IFT88: variants seen among roughly 807,000 people sequenced by gnomAD.
IFT88 encodes intraflagellar transport protein 88 homolog.
IFT88 carries 74 observed loss-of-function variants against 119.5 expected under a neutral mutation model. That is an observed-to-expected ratio of 0.62 (90% CI 0.51 to 0.75). IFT88 has a LOEUF of 0.75. Among genes scored for constraint, IFT88 ranks in the 30% least tolerant of loss-of-function variants. IFT88 has a pLI of 0.00. For missense variants in IFT88, 961 were observed against 977.7 expected, an observed-to-expected ratio of 0.98 and a Z score of 0.23; for synonymous variants, 279 against 316.7, an observed-to-expected ratio of 0.88 and a Z score of 1.26.
intron 2 of IFT88, among the ~76,000 whole-genome samples, chr13:20,576,912 T>C (rs2037492615): frequency 1.3e-5 from 2 of 152,186 alleles, no homozygotes; most frequent in Admixed American, 1.3e-4. Context: ...ATGACATTGG[T>C]ATTTTGATAG....
At chr13:20,683,884 A>G (rs1178661484) in intron 24 of IFT88, among the ~76,000 whole-genome samples, 1 of 152,148 alleles carries the variant, frequency 6.6e-6, no homozygotes, top group African/African-American at 2.4e-5. Flanking sequence ...AGAAGTAGAT[A>G]TAACAATTTG....
intron 13 of IFT88, among the ~76,000 whole-genome samples, chr13:20,606,298 A>C (rs1359901326): frequency 6.6e-6 from 1 of 152,150 alleles, no homozygotes; most frequent in Non-Finnish European, 1.5e-5. Flanking sequence ...GTGGAGCGTC[A>C]GGGCTTTAAC....
At chr13:20,638,241 C>T in intron 16 of IFT88, 91 bp from the exon 17 acceptor site, 3 of 675,520 alleles carry the variant, frequency 4.4e-6, no homozygotes, top group Non-Finnish European at 6.7e-6. Flanking sequence ...TTTATAATCT[C>T]AGAAAGTCTA....
chr13:20,674,682 T>G (rs1409151560), intron 24 of IFT88, among the ~76,000 whole-genome samples: 3 of 146,370 alleles, frequency 2.0e-5, no homozygotes, highest in Non-Finnish European at 3.0e-5. Context: ...AAACATATTT[T>G]ATTTAAAAAA....
At chr13:20,687,336 A>T (rs918487136) in intron 24 of IFT88, among the ~76,000 whole-genome samples, 2 of 152,142 alleles carry the variant, frequency 1.3e-5, no homozygotes, top group Non-Finnish European at 2.9e-5. Flanking sequence ...TTGTGGGGCG[A>T]GCCAAACTGC....
intron 14 of IFT88, among the ~76,000 whole-genome samples, chr13:20,624,212 G>C (rs2046967095): frequency 1.3e-5 from 2 of 152,018 alleles, no homozygotes; most frequent in African/African-American, 4.8e-5. Context: ...TTAATGTTTT[G>C]TTCAGACCTC....
chr13:20,596,097 T>C (rs1162873548), intron 7 of IFT88, 53 bp from the exon 8 acceptor site: 3 of 540,338 alleles, frequency 5.6e-6, no homozygotes, highest in Non-Finnish European at 9.3e-6. Context: ...AATTTTAGTA[T>C]AGATTTTTAG....
intron 24 of IFT88, among the ~76,000 whole-genome samples, chr13:20,671,733 G>T (rs2055895273): frequency 6.6e-6 from 1 of 152,164 alleles, no homozygotes; most frequent in Non-Finnish European, 1.5e-5. Context: ...TGATTTTAAA[G>T]AAGCTAATTT....
At chr13:20,631,147 A>T (rs1295645331) in intron 16 of IFT88, 45 bp downstream of exon 16, 2 of 1,209,900 alleles carry the variant, frequency 1.7e-6, no homozygotes, top group Non-Finnish European at 2.5e-6. Flanking sequence ...CTATTTTTAT[A>T]TTGCTAAATT....
intron 13 of IFT88, among the ~76,000 whole-genome samples, chr13:20,614,818 T>TTTTTTTC: frequency 1.9e-5 from 1 of 51,364 alleles, no homozygotes; most frequent in African/African-American, 4.2e-5. Context: ...ATTTCTTTTC[T>TTTTTTTC]TTTTTTTTTT....
chr13:20,688,058 G>A (rs529481182), intron 24 of IFT88, among the ~76,000 whole-genome samples: 3 of 152,312 alleles, frequency 2.0e-5, no homozygotes, highest in South Asian at 2.1e-4. Flanking sequence ...CACTCTGGCC[G>A]GGCACGGTGG....
At chr13:20,683,415 C>T (rs1281739061) in intron 24 of IFT88, among the ~76,000 whole-genome samples, 3 of 152,138 alleles carry the variant, frequency 2.0e-5, no homozygotes, top group African/African-American at 7.2e-5. Context: ...TATATAGTTG[C>T]TCAGGAATTA....
rs148504410 is a variant in IFT88, at chr13:20,598,434, A to C, written c.595-217A>C. Among the ~76,000 whole-genome samples the C allele has an allele frequency of 3.5e-3, 533 of 152,342 alleles. 5 individuals are homozygous for C. Among genetic ancestry groups the C allele is most frequent in the African/African-American group, 0.012 (508 of 41,592 alleles). ...AATACTACTAAATTAAATAGAATAC[A>C]TAGAAAATTAAGGTGAAATTTAGAG... is the stretch of plus-strand genomic sequence containing the variant. On this transcript the variant is annotated intron_variant, in intron 9 of 25. Coordinates refer to ENST00000351808, the MANE Select transcript of IFT88 (RefSeq NM_006531.5).
chr13:20,603,911 A>G (rs1279117735), intron 12 of IFT88, among the ~76,000 whole-genome samples: 1 of 150,418 alleles, frequency 6.6e-6, no homozygotes, highest in Non-Finnish European at 1.5e-5. Flanking sequence ...AAAATAAAAA[A>G]TTAGCCAGCC....
chr13:20,638,960 A>G (rs945417545), intron 17 of IFT88, among the ~76,000 whole-genome samples: 4 of 152,166 alleles, frequency 2.6e-5, no homozygotes, highest in Non-Finnish European at 5.9e-5. Flanking sequence ...ACATTTTCAC[A>G]TTTTGCCATC....
In IFT88 at chr13:20,690,823, C is replaced by T; in HGVS notation, c.2353+8C>T. 2 of 1,582,668 alleles carry T rather than the reference C, an allele frequency of 1.3e-6. No homozygotes were observed. The highest frequency in any genetic ancestry group is 2.7e-5 in the African/African-American group (2 of 74,450). On this transcript the variant is annotated splice_region_variant and intron_variant, in intron 25 of 25. Transcript: ENST00000351808. ...GCAGTAACAAAGAAATAGGCAAGTACTCTCCACCCAGTTCCTCCAGGCATA... is the reference window on the plus strand; with the variant it reads ...GCAGTAACAAAGAAATAGGCAAGTATTCTCCACCCAGTTCCTCCAGGCATA...
At position 20,638,440 on chromosome 13, in the gene IFT88, G is replaced by T; in HGVS notation, c.1495G>T (p.Asp499Tyr). ...NKGNTVFANGDYEKAAEFYKE... is the reference protein window; with the variant it reads ...NKGNTVFANGYYEKAAEFYKE... ...AGGGAATACAGTTTTTGCAAATGGT[G>T]ATTATGAGAAGGCCGCTGAATTCTA... The change falls in exon 17 of 26, where the codon GAT becomes TAT. Residue 499 changes from aspartate (D) to tyrosine (Y), a missense_variant. Transcript: ENST00000351808. The T allele has an allele frequency of 1.3e-6, 2 of 1,530,874 alleles. No homozygotes were observed. Among genetic ancestry groups the T allele is most frequent in the Non-Finnish European group, 1.7e-6 (2 of 1,144,728 alleles). The allele number at this position is 1,530,874 out of a possible 1,614,324, so 94.8% of individuals were successfully genotyped here.
intron 24 of IFT88, among the ~76,000 whole-genome samples, chr13:20,686,866 C>T (rs1426771335): frequency 1.3e-5 from 2 of 151,520 alleles, no homozygotes; most frequent in East Asian, 1.9e-4. Flanking sequence ...TGTAGTTAGC[C>T]CCTTAACCTT....
intron 15 of IFT88, among the ~76,000 whole-genome samples, chr13:20,629,595 T>G (rs1394965216): frequency 6.6e-6 from 1 of 152,236 alleles, no homozygotes; most frequent in Non-Finnish European, 1.5e-5. Flanking sequence ...TTTACTCATA[T>G]TCTAACCAAA....
Sources: gnomAD v4.1 joint callset for allele counts (sites outside exome capture counted in the v4.1 genomes callset) on GRCh38, gnomAD v4.1.1 for gene constraint, MANE v1.5 for transcripts, NCBI Gene and HGNC (gene_info 2026-07-23, HGNC 2026-07-21) for gene names.